Variants in ZNF578 observed in about 807,000 individuals in gnomAD.
ZNF578 encodes Putative chemokine-related protein B42.
Under a neutral mutation model 8.3 loss-of-function variants are expected in ZNF578, and 8 were observed. The ratio of observed to expected loss-of-function variants is 0.96; its 90% CI spans 0.56 to 1.74. The LOEUF (loss-of-function observed/expected upper bound fraction) is 1.74. ZNF578 is among the 40% of genes most tolerant of loss of function. The pLI is 0.00. For missense variants in ZNF578, 726 were observed against 707.5 expected, an observed-to-expected ratio of 1.03 and a Z score of -0.30; for synonymous variants, 206 against 232.2, an observed-to-expected ratio of 0.89 and a Z score of 1.03.
At chr19:52,478,860 C>T (rs1473263436) in intron 2 of ZNF578, among the ~76,000 whole-genome samples, 1 of 151,954 alleles carries the variant, frequency 6.6e-6, no homozygotes, top group African/African-American at 2.4e-5. Context: ...ACTACAGGTG[C>T]CGGCCACCAG....
intron 5 of ZNF578, among the ~76,000 whole-genome samples, chr19:52,507,438 G>A (rs2059429250): frequency 6.6e-6 from 1 of 151,978 alleles, no homozygotes; most frequent in East Asian, 1.9e-4. Flanking sequence ...TGTGTCTGTA[G>A]TCCCAGCTAC....
intron 2 of ZNF578, among the ~76,000 whole-genome samples, chr19:52,459,276 G>A (rs1568453899): frequency 6.6e-6 from 1 of 152,084 alleles, no homozygotes; most frequent in East Asian, 1.9e-4. Context: ...TATAGCCTCT[G>A]TCAACCCATC....
chr19:52,512,563 CAT>C lies in ZNF578; in HGVS notation c.*411_*412del, dbSNP rs755897244. Among the ~76,000 whole-genome samples, 3 of 152,238 alleles carry C rather than the reference CAT, an allele frequency of 2.0e-5. No individual in the cohort carries two copies. The highest frequency in any genetic ancestry group is 4.8e-5 in the African/African-American group (2 of 41,540). On this transcript the variant is annotated 3_prime_UTR_variant, in exon 6 of 6. Transcript: ENST00000421239. ...CAGTCAAGCTTCATCCTATGCAAAA[CAT>C]AGGAGAATTCATGCAGGAGAGAAAT...
At position 52,516,542 on chromosome 19, in the gene ZNF578, T is replaced by TAC. The variant is rs1197102267; in HGVS notation, c.*4390_*4391dup. Among the ~76,000 whole-genome samples the TAC allele has an allele frequency of 2.0e-5, 3 of 152,224 alleles. No homozygotes were observed. The East Asian group carries it at 5.8e-4, about 29-fold the overall frequency. Reference sequence around the variant, plus strand: ...TCGTATCCCCTGTCACCTGCACGTATACATCCAGATGGCCTGAAGCAACTG... The same window carrying TAC: ...TCGTATCCCCTGTCACCTGCACGTATACACATCCAGATGGCCTGAAGCAACTG... On this transcript the variant is annotated 3_prime_UTR_variant, in exon 6 of 6. Coordinates refer to ENST00000421239, the MANE Select transcript of ZNF578 (RefSeq NM_001099694.2).
chr19:52,494,014 T>G (rs2059376817), intron 3 of ZNF578, among the ~76,000 whole-genome samples: 1 of 146,478 alleles, frequency 6.8e-6, no homozygotes. Flanking sequence ...GTTAAATAAG[T>G]TGTGAGGATG....
At chr19:52,487,179 A>T (rs802588) in intron 2 of ZNF578, among the ~76,000 whole-genome samples, 2,109 of 152,072 alleles carry the variant, frequency 0.014, 48 homozygotes, top group African/African-American at 0.047. Flanking sequence ...GCCAAAAAAA[A>T]AATAATAATA....
At chr19:52,480,966 G>A (rs1011641790) in intron 2 of ZNF578, among the ~76,000 whole-genome samples, 34 of 151,058 alleles carry the variant, frequency 2.3e-4, no homozygotes, top group African/African-American at 7.5e-4. Flanking sequence ...AAATAAATAT[G>A]AGTAGCATCC....
At chr19:52,494,810 T>C (rs2059379940) in intron 3 of ZNF578, among the ~76,000 whole-genome samples, 1 of 152,106 alleles carries the variant, frequency 6.6e-6, no homozygotes, top group South Asian at 2.1e-4. Flanking sequence ...AATCACTTTC[T>C]GTTATTATGT....
chr19:52,457,591 A>T (rs1401845471), intron 2 of ZNF578: 1 of 88,340 alleles, frequency 1.1e-5, no homozygotes, highest in Non-Finnish European at 2.5e-5. Context: ...AGACTGAGCC[A>T]TCAACTCGTG....
In ZNF578 at chr19:52,502,295, C is replaced by T. The variant is rs117978841; in HGVS notation, c.63+387C>T. On this transcript the variant is annotated intron_variant, in intron 4 of 5. Transcript: ENST00000421239. ...GATTAGAGAAACTGCATATGAAATA[C>T]GTATGTTAATGTGCCCAGGTATGTG... 1.4e-3 allele frequency among the ~76,000 whole-genome samples: 215 copies of T among 152,274 alleles called. 2 individuals are homozygous for T. The East Asian group carries it at 0.027, about 19-fold the overall frequency.
intron 2 of ZNF578, among the ~76,000 whole-genome samples, chr19:52,479,608 C>T (rs1430650187): frequency 6.6e-6 from 1 of 150,464 alleles, no homozygotes; most frequent in South Asian, 2.1e-4. Context: ...GAAGCACTGA[C>T]CATAGAGATT....
chr19:52,487,956 C>CG (rs1418408746), intron 2 of ZNF578, among the ~76,000 whole-genome samples: 1 of 150,052 alleles, frequency 6.7e-6, no homozygotes, highest in African/African-American at 2.5e-5. Flanking sequence ...CATAGCCCCC[C>CG]CCCCTTTTTT....
chr19:52,475,812 A>G (rs547454238), intron 2 of ZNF578, among the ~76,000 whole-genome samples: 53 of 152,314 alleles, frequency 3.5e-4, no homozygotes, highest in African/African-American at 1.0e-3. Context: ...TTCTGGAGCT[A>G]TTTTGAGATT....
At chr19:52,469,573 A>C (rs1188474149) in intron 2 of ZNF578, among the ~76,000 whole-genome samples, 1 of 152,190 alleles carries the variant, frequency 6.6e-6, no homozygotes, top group East Asian at 1.9e-4. Context: ...CTAATAGTAC[A>C]GAGAACACTG....
intron 1 of ZNF578, chr19:52,456,353 C>T (rs1290628488): frequency 6.6e-6 from 1 of 152,264 alleles, no homozygotes. Flanking sequence ...AATGCTGAGA[C>T]ATTTTGCAAA....
chr19:52,496,164 G>A (rs542150485), intron 3 of ZNF578, among the ~76,000 whole-genome samples: 23 of 150,814 alleles, frequency 1.5e-4, no homozygotes, highest in South Asian at 4.2e-4. Context: ...GATTATAGGC[G>A]CCCACAACCA....
At chr19:52,476,768 A>C (rs939253038) in intron 2 of ZNF578, among the ~76,000 whole-genome samples, 1 of 152,116 alleles carries the variant, frequency 6.6e-6, no homozygotes, top group Admixed American at 6.6e-5. Flanking sequence ...CCCACTAGGG[A>C]TGTGGAGGTT....
rs752003549 is a variant in ZNF578 at position 52,511,442 on chromosome 19, A to T, written c.1061A>T (p.Tyr354Phe). 5.0e-6 allele frequency: 8 copies of T among 1,614,180 alleles called. No individual in the cohort carries two copies. The highest frequency in any genetic ancestry group is 6.8e-6 in the Non-Finnish European group (8 of 1,179,992). ...AATGAATGTGGAAAGTCCTTCAGTTACAAGTCATCCCTTAGATGCCATCGT... is the reference window on the plus strand; with the variant it reads ...AATGAATGTGGAAAGTCCTTCAGTTTCAAGTCATCCCTTAGATGCCATCGT... ...KCNECGKSFS[Y>F]KSSLRCHRRL... The change falls in exon 6 of 6, where the codon TAC becomes TTC. Residue 354 changes from tyrosine to phenylalanine, a missense_variant. Tyr to Phe is a conservative substitution (Grantham distance 22). Transcript: ENST00000421239.
rs550276795 is a variant in ZNF578, at chr19:52,506,553, C to T, written c.190+1772C>T. 4.0e-5 allele frequency among the ~76,000 whole-genome samples: 6 copies of T among 150,428 alleles called. No individual in the cohort carries two copies. The South Asian group carries it at 8.5e-4, about 21-fold the overall frequency. The stretch of plus-strand genomic sequence containing the variant: ...TGCAATTTCAGCTTAGTGCAACCTC[C>T]ACCTCCCAGGTCAGGCAATCTCCTA... On this transcript the variant is annotated intron_variant, in intron 5 of 5. Coordinates refer to ENST00000421239, the MANE Select transcript of ZNF578 (RefSeq NM_001099694.2).
Sources: allele counts gnomAD v4.1 joint callset (sites outside exome capture counted in the v4.1 genomes callset), GRCh38; gene constraint gnomAD v4.1.1; transcripts MANE v1.5; gene names NCBI Gene and HGNC (gene_info 2026-07-23, HGNC 2026-07-21).